IL2RA: variants seen among roughly 807,000 people sequenced by gnomAD.
IL2RA encodes the protein interleukin 2 receptor subunit alpha, also known as interleukin-2 receptor subunit alpha.
A neutral mutation model predicts 37.8 loss-of-function variants in IL2RA; 24 were observed. The ratio of observed to expected loss-of-function variants is 0.63; its 90% CI spans 0.46 to 0.89. The LOEUF (loss-of-function observed/expected upper bound fraction) is 0.89, where lower values mean the gene tolerates loss of function less well. Ranked by LOEUF, IL2RA falls within the 40% of genes least tolerant of loss-of-function variation. The pLI, the probability that IL2RA is intolerant of heterozygous loss-of-function variation, is 0.00. For synonymous variants in IL2RA, 125 were observed against 114.6 expected, an observed-to-expected ratio of 1.09 and a Z score of -0.58; for missense variants, 319 against 348.6, an observed-to-expected ratio of 0.92 and a Z score of 0.68.
intron 1 of IL2RA, among the ~76,000 whole-genome samples, chr10:6,049,503 A>C (rs868000950): frequency 1.3e-4 from 20 of 152,322 alleles, no homozygotes; most frequent in Middle Eastern, 3.4e-3. Context: ...GGACACATTG[A>C]AATTGACCAT....
chr10:6,023,151 A>G (rs1182588615), intron 3 of IL2RA, among the ~76,000 whole-genome samples: 1 of 152,142 alleles, frequency 6.6e-6, no homozygotes, highest in East Asian at 1.9e-4. Flanking sequence ...CAGTTTCTTC[A>G]GTAAGTTGAA....
chr10:6,025,205 T>A lies in IL2RA; in HGVS notation c.256+629A>T, dbSNP rs543369739. ...CCCATCTTTGCTAAAAATAAAAAAA[T>A]TAGCCAGGCATGGTGGTGCACACCT... On this transcript the variant is annotated intron_variant, in intron 2 of 7. Transcript: ENST00000379959. The surrounding 1 kb of genome is among the most constrained non-coding windows in gnomAD (Gnocchi z 4.4). Among the ~76,000 whole-genome samples the A allele has an allele frequency of 3.3e-5, 5 of 151,388 alleles. No homozygotes were observed. The highest frequency in any genetic ancestry group is 1.2e-4 in the African/African-American group (5 of 41,178).
At chr10:6,051,518 T>TA (rs1839957765) in intron 1 of IL2RA, among the ~76,000 whole-genome samples, 1 of 97,010 alleles carries the variant, frequency 1.0e-5, no homozygotes, top group African/African-American at 4.0e-5. Flanking sequence ...TATATATATA[T>TA]TTTTTTTCTT....
Position 6,012,859 on chromosome 10 carries a change from T to C in IL2RA, c.*13A>G, listed in dbSNP as rs746347754. The stretch of plus-strand genomic sequence containing the variant: ...CCGGCTTCTTACCAAGAAATTCTTG[T>C]TCTTTTGGTTTTCTAGATTGTTCTT... On this transcript the variant is annotated 3_prime_UTR_variant, in exon 8 of 8. Transcript: ENST00000379959. The surrounding 1 kb of genome is among the most constrained non-coding windows in gnomAD (Gnocchi z 4.8). The C allele has an allele frequency of 5.0e-6, 8 of 1,613,524 alleles. No individual in the cohort carries two copies. The highest frequency in any genetic ancestry group is 3.3e-5 in the South Asian group (3 of 91,068).
At chr10:6,038,114 C>A (rs1589303097) in intron 1 of IL2RA, among the ~76,000 whole-genome samples, 1 of 152,162 alleles carries the variant, frequency 6.6e-6, no homozygotes, top group African/African-American at 2.4e-5. Flanking sequence ...GAACACTGGG[C>A]CTGTGGTCAT....
rs41294915 is a variant in IL2RA, at chr10:6,053,449, A to C, written c.64+8639T>G. ...CTAGTGTTCAAATGTTTTCTGGAAC[A>C]AAGCTTGAAGCAAATAAGAACGAAA... On this transcript the variant is annotated intron_variant, in intron 1 of 7. Transcript: ENST00000379959. 1.8e-3 allele frequency among the ~76,000 whole-genome samples: 268 copies of C among 152,366 alleles called. 2 individuals are homozygous for C. Among genetic ancestry groups the C allele is most frequent in the Middle Eastern group, 0.017 (5 of 294 alleles).
Position 6,029,132 on chromosome 10 carries a change from ATTTATTTATTTATTTATTT to A in IL2RA, c.65-3126_65-3108del, listed in dbSNP as rs1839534418. Among the ~76,000 whole-genome samples the A allele has an allele frequency of 5.7e-4, 1 of 1,746 alleles. No individual in the cohort carries two copies. Among genetic ancestry groups the A allele is most frequent in the Non-Finnish European group, 1.0e-3 (1 of 1,002 alleles). The allele number at this position is 1,746 out of a possible 152,430, so 1.1% of individuals were successfully genotyped here. On this transcript the variant is annotated intron_variant, in intron 1 of 7. Coordinates refer to ENST00000379959, the MANE Select transcript of IL2RA (RefSeq NM_000417.3). This position sits in a 1 kb window ranked among gnomAD's most constrained non-coding sequence, Gnocchi z 4.6. Reference sequence around the variant, plus strand: ...CTGCAGATTTGCTGCCATTTATTTTATTTATTTATTTATTTATTTATTTATTTATTTATTTATTTATTTA... The same window carrying A: ...CTGCAGATTTGCTGCCATTTATTTTAATTTATTTATTTATTTATTTATTTA...
rs1564555267 is a variant in IL2RA, at chr10:6,058,780, G to A, written c.64+3308C>T. Among the ~76,000 whole-genome samples the A allele has an allele frequency of 6.6e-6, 1 of 152,156 alleles. No individual in the cohort carries two copies. Among genetic ancestry groups the A allele is most frequent in the Admixed American group, 6.5e-5 (1 of 15,280 alleles). On this transcript the variant is annotated intron_variant, in intron 1 of 7. Coordinates refer to ENST00000379959, the MANE Select transcript of IL2RA (RefSeq NM_000417.3). This position sits in a 1 kb window ranked among gnomAD's most constrained non-coding sequence, Gnocchi z 4.2. ...CATACAAGCTCTCAGAATTTCCACA[G>A]TTCTGAGAAAGGTGCCTTCAATAAC... is the stretch of plus-strand genomic sequence containing the variant.
In IL2RA at chr10:6,021,326, T is replaced by C; in HGVS notation, c.583+152A>G. 4.3e-6 allele frequency: 3 copies of C among 692,172 alleles called. No homozygotes were observed. Among genetic ancestry groups the C allele is most frequent in the African/African-American group, 1.8e-5 (1 of 55,334 alleles). The allele number at this position is 692,172 out of a possible 1,614,324, so 42.9% of individuals were successfully genotyped here. The stretch of plus-strand genomic sequence containing the variant: ...GATCTGGTCTATTTAAATTTTTTTT[T>C]TTTTCTCAGAATGAGAAAAAATGGA... On this transcript the variant is annotated intron_variant, in intron 4 of 7. Coordinates refer to ENST00000379959, the MANE Select transcript of IL2RA (RefSeq NM_000417.3). This position sits in a 1 kb window ranked among gnomAD's most constrained non-coding sequence, Gnocchi z 4.9.
chr10:6,031,494 GTATATATATATATATATGTATATATA>G (rs1839587701), intron 1 of IL2RA, among the ~76,000 whole-genome samples: 1 of 27,482 alleles, frequency 3.6e-5, no homozygotes, highest in African/African-American at 1.1e-4. Flanking sequence ...ATATATATAT[GTATATATATATATATATGTATATATA>G]TGTATATATA....
At chr10:6,034,099 T>C (rs1839642344) in intron 1 of IL2RA, among the ~76,000 whole-genome samples, 1 of 152,190 alleles carries the variant, frequency 6.6e-6, no homozygotes, top group South Asian at 2.1e-4. Flanking sequence ...AACTCTTGAA[T>C]TCCATGAGAG....
In IL2RA at chr10:6,010,711, C is replaced by A. The variant is rs1035313038; in HGVS notation, c.*2161G>T. On this transcript the variant is annotated 3_prime_UTR_variant, in exon 8 of 8. Coordinates refer to ENST00000379959, the MANE Select transcript of IL2RA (RefSeq NM_000417.3). ...GACTTTTTAAAAAATATCATTTATT[C>A]TTTTATAAACAATAGCAATAAATTT... is the stretch of plus-strand genomic sequence containing the variant. The A allele has an allele frequency of 1.3e-5, 2 of 151,488 alleles. No individual in the cohort carries two copies. The highest frequency in any genetic ancestry group is 4.9e-5 in the African/African-American group (2 of 41,210). 9.4% of individuals were successfully genotyped at this position (151,488 alleles called of 1,614,324 possible).
rs1408444866 is a variant in IL2RA, at chr10:6,022,114, T to G, written c.368-421A>C. Among the ~76,000 whole-genome samples the G allele has an allele frequency of 2.0e-5, 3 of 151,844 alleles. No homozygotes were observed. The highest frequency in any genetic ancestry group is 7.3e-5 in the African/African-American group (3 of 41,336). ...GACACAAGGGTAGGCTCAAGCCTAT[T>G]TGGGCCAATGGAGCATGAAGACCAC... On this transcript the variant is annotated intron_variant, in intron 3 of 7. Coordinates refer to ENST00000379959, the MANE Select transcript of IL2RA (RefSeq NM_000417.3). This position sits in a 1 kb window ranked among gnomAD's most constrained non-coding sequence, Gnocchi z 4.7.
chr10:6,028,116 G>A lies in IL2RA; in HGVS notation c.65-2091C>T, dbSNP rs1264736770. Among the ~76,000 whole-genome samples, 1 of 152,110 alleles carries A rather than the reference G, an allele frequency of 6.6e-6. No homozygotes were observed. Among genetic ancestry groups the A allele is most frequent in the African/African-American group, 2.4e-5 (1 of 41,426 alleles). The stretch of plus-strand genomic sequence containing the variant: ...GTGAGAGGCGCCCACAGTTGCCCTG[G>A]CTTCCTTCCTGGGGTGCTTTCCTTC... On this transcript the variant is annotated intron_variant, in intron 1 of 7. Transcript: ENST00000379959. The surrounding 1 kb of genome is among the most constrained non-coding windows in gnomAD (Gnocchi z 4.1).
intron 1 of IL2RA, among the ~76,000 whole-genome samples, chr10:6,059,378 A>G (rs1177494552): frequency 2.6e-5 from 4 of 152,214 alleles, no homozygotes; most frequent in African/African-American, 9.6e-5. Context: ...TTCTTGCTTC[A>G]TCTAGGGGTT....
chr10:6,051,513 ATATAT>A (rs1327884349), intron 1 of IL2RA, among the ~76,000 whole-genome samples: 28 of 8,070 alleles, frequency 3.5e-3, no homozygotes, highest in African/African-American at 0.021. Flanking sequence ...ATATATATAT[ATATAT>A]TTTTTTTCTT....
intron 1 of IL2RA, among the ~76,000 whole-genome samples, chr10:6,045,868 A>G (rs1470482692): frequency 6.6e-6 from 1 of 152,222 alleles, no homozygotes. Flanking sequence ...AAACTTGACA[A>G]GAGGGAAACA....
Position 6,020,299 on chromosome 10 carries a change from A to C in IL2RA, c.584-358T>G, listed in dbSNP as rs996103421. On this transcript the variant is annotated intron_variant, in intron 4 of 7. Coordinates refer to ENST00000379959, the MANE Select transcript of IL2RA (RefSeq NM_000417.3). This position sits in a 1 kb window ranked among gnomAD's most constrained non-coding sequence, Gnocchi z 5.6. ...GAACCACTGGATGGAGCAGAGATGC[A>C]CTAAGGGACAGCTGCTTCTGTGCCA... 2.0e-5 allele frequency among the ~76,000 whole-genome samples: 3 copies of C among 152,162 alleles called. No homozygotes were observed. Among genetic ancestry groups the C allele is most frequent in the South Asian group, 4.1e-4 (2 of 4,826 alleles).
intron 1 of IL2RA, among the ~76,000 whole-genome samples, chr10:6,053,955 T>C (rs563058170): frequency 6.6e-6 from 1 of 152,342 alleles, no homozygotes; most frequent in South Asian, 2.1e-4. Context: ...AGCGAGCTCA[T>C]CCGGCCACAC....
Sources: gnomAD v4.1 joint callset for allele counts (sites outside exome capture counted in the v4.1 genomes callset) on GRCh38, gnomAD v4.1.1 for gene constraint, Gnocchi (gnomAD v3.1) non-coding constraint, MANE v1.5 for transcripts, NCBI Gene and HGNC (gene_info 2026-07-23, HGNC 2026-07-21) for gene names.